Variants in NRG2 observed in about 807,000 individuals in gnomAD.
NRG2 encodes neuregulin 2, also known as pro-neuregulin-2, membrane-bound isoform.
A neutral mutation model predicts 73.9 loss-of-function variants in NRG2; 27 were observed. The ratio of observed to expected loss-of-function variants is 0.37; its 90% CI spans 0.27 to 0.50. The LOEUF (loss-of-function observed/expected upper bound fraction) is 0.50. Ranked by LOEUF, NRG2 falls within the 20% of genes least tolerant of loss-of-function variation. NRG2 has a pLI of 0.96. For missense variants in NRG2, 1,126 were observed against 1,210.1 expected (o/e 0.93, Z 1.03); for synonymous variants, 532 against 541.0 (o/e 0.98, Z 0.23).
Position 139,887,528 on chromosome 5 carries a change from A to T in NRG2, c.701-17T>A. 6.2e-7 allele frequency: 1 copy of T among 1,613,048 alleles called. No individual in the cohort carries two copies. Among genetic ancestry groups the T allele is most frequent in the East Asian group, 2.2e-5 (1 of 44,862 alleles). ...GCCGGGTGGCTGTGGGTTACAAGGC[A>T]GGTAGGTGAGCACGGTGGTGGTAGG... is the stretch of plus-strand genomic sequence containing the variant. On this transcript the variant is annotated splice_polypyrimidine_tract_variant and intron_variant, in intron 1 of 9. Coordinates refer to ENST00000361474, the MANE Select transcript of NRG2 (RefSeq NM_004883.3). This position sits in a 1 kb window ranked among gnomAD's most constrained non-coding sequence, Gnocchi z 4.5.
intron 1 of NRG2, among the ~76,000 whole-genome samples, chr5:139,907,715 C>A (rs573110288): frequency 2.2e-4 from 34 of 152,208 alleles, no homozygotes; most frequent in African/African-American, 8.2e-4. Flanking sequence ...AGATCTAGTG[C>A]TGAGGGAGGT....
At chr5:139,909,218 C>T (rs1328326810) in intron 1 of NRG2, among the ~76,000 whole-genome samples, 3 of 152,226 alleles carry the variant, frequency 2.0e-5, no homozygotes, top group Admixed American at 2.0e-4. Context: ...ATTTTCCCTT[C>T]CACTTTGAGG....
In NRG2 at chr5:139,848,517, C is replaced by T. The variant is rs1761182083; in HGVS notation, c.1953G>A (p.Pro651=). 7.2e-7 allele frequency: 1 copy of T among 1,394,048 alleles called. No homozygotes were observed. The highest frequency in any genetic ancestry group is 9.2e-7 in the Non-Finnish European group (1 of 1,086,290). 86.4% of individuals were successfully genotyped at this position (1,394,048 alleles called of 1,614,324 possible). The part of the protein sequence containing the change: ...LAEQQPLLRH[P]APPGPGPGPG... ...GTCCGGGTCCCGGGCCGGGGGGCGC[C>T]GGGTGCCGCAGTAACGGCTGCTGCT... The change falls in exon 10 of 10, where the codon CCG becomes CCA. Residue 651 remains proline, a synonymous_variant. Coordinates refer to ENST00000361474, the MANE Select transcript of NRG2 (RefSeq NM_004883.3).
chr5:140,023,365 T>C (rs115382997), intron 1 of NRG2, among the ~76,000 whole-genome samples: 2 of 152,280 alleles, frequency 1.3e-5, no homozygotes, highest in African/African-American at 4.8e-5. Context: ...TAGCACCCTA[T>C]CCCCTATCTG....
At chr5:139,883,443 G>C (rs1763669333) in intron 2 of NRG2, among the ~76,000 whole-genome samples, 1 of 152,072 alleles carries the variant, frequency 6.6e-6, no homozygotes, top group African/African-American at 2.4e-5. Flanking sequence ...GTTTGCTCCT[G>C]GCACAGGAAG....
chr5:139,857,946 C>T (rs964939853), intron 5 of NRG2, among the ~76,000 whole-genome samples: 5 of 151,984 alleles, frequency 3.3e-5, no homozygotes, highest in African/African-American at 9.7e-5. Flanking sequence ...ATGGTGTCAC[C>T]TCTCATCTGG....
chr5:139,951,330 A>G (rs1754182217), intron 1 of NRG2, among the ~76,000 whole-genome samples: 1 of 152,212 alleles, frequency 6.6e-6, no homozygotes, highest in African/African-American at 2.4e-5. Context: ...ATCGAGAGGT[A>G]GGAGTGAGGC....
chr5:139,931,667 A>C (rs1402286652), intron 1 of NRG2, among the ~76,000 whole-genome samples: 1 of 152,376 alleles, frequency 6.6e-6, no homozygotes, highest in Non-Finnish European at 1.5e-5. Flanking sequence ...TCAAGAAACA[A>C]ACAAGTAGGG....
At chr5:139,916,002 T>C (rs887176352) in intron 1 of NRG2, among the ~76,000 whole-genome samples, 3 of 152,102 alleles carry the variant, frequency 2.0e-5, no homozygotes, top group Non-Finnish European at 2.9e-5. Flanking sequence ...TGAAAGGATA[T>C]TGAAGGGTTC....
At chr5:139,934,102 G>A (rs1195820473) in intron 1 of NRG2, among the ~76,000 whole-genome samples, 1 of 152,204 alleles carries the variant, frequency 6.6e-6, no homozygotes, top group East Asian at 1.9e-4. Flanking sequence ...GGGAGGCTGA[G>A]GTGGGAGGAT....
chr5:139,876,842 G>T (rs1440488270), intron 3 of NRG2, among the ~76,000 whole-genome samples: 1 of 152,028 alleles, frequency 6.6e-6, no homozygotes, highest in Non-Finnish European at 1.5e-5. Context: ...TTTCTTGGGG[G>T]CCAAGACTGC....
chr5:140,042,955 TGCTGCTGCTGCTGCTGCTCCTCTC>T lies in NRG2; in HGVS notation c.91_114del (p.Glu31_Ser38del), dbSNP rs769057468. The T allele has an allele frequency of 6.0e-5, 93 of 1,545,028 alleles. No individual in the cohort carries two copies. The highest frequency in any genetic ancestry group is 2.1e-4 in the Admixed American group (11 of 51,226). The stretch of plus-strand genomic sequence containing the variant: ...CTGCTGCTGCCGCTCTCGCTGCTGC[TGCTGCTGCTGCTGCTGCTCCTCTC>T]GCTGCTGCTGCTGCTGCTGTCGCTG... On this transcript the variant is annotated inframe_deletion, in exon 1 of 10. Coordinates refer to ENST00000361474, the MANE Select transcript of NRG2 (RefSeq NM_004883.3).
chr5:140,003,638 C>T (rs1177007503), intron 1 of NRG2, among the ~76,000 whole-genome samples: 1 of 152,186 alleles, frequency 6.6e-6, no homozygotes, highest in Admixed American at 6.5e-5. Flanking sequence ...TTCTGACCTC[C>T]AGAATTGTAA....
At chr5:139,988,144 C>T (rs1757316720) in intron 1 of NRG2, among the ~76,000 whole-genome samples, 1 of 151,998 alleles carries the variant, frequency 6.6e-6, no homozygotes, top group Admixed American at 6.6e-5. Flanking sequence ...CAGAACATGA[C>T]AACACCAAAT....
chr5:139,998,749 A>C (rs932403169), intron 1 of NRG2, among the ~76,000 whole-genome samples: 3 of 75,796 alleles, frequency 4.0e-5, no homozygotes, highest in African/African-American at 5.5e-5. Context: ...CAAACAAACA[A>C]ACACTATCTA....
chr5:140,001,284 C>T (rs548101889), intron 1 of NRG2, among the ~76,000 whole-genome samples: 13 of 152,304 alleles, frequency 8.5e-5, no homozygotes, highest in East Asian at 7.7e-4. Context: ...GTACCTACCA[C>T]GGTGCCCCAT....
chr5:139,958,030 G>A lies in NRG2; in HGVS notation c.701-70519C>T, dbSNP rs531957126. Among the ~76,000 whole-genome samples the A allele has an allele frequency of 5.3e-5, 8 of 152,204 alleles. No homozygotes were observed. The South Asian group carries it at 6.2e-4, about 12-fold the overall frequency. ...ACCAGTGACTTCCCTGGACACGTTG[G>A]CTAGGACTGGAAGGTACCTCCTGGA... On this transcript the variant is annotated intron_variant, in intron 1 of 9. Transcript: ENST00000361474.
intron 1 of NRG2, among the ~76,000 whole-genome samples, chr5:140,002,605 C>T (rs1269623220): frequency 2.6e-5 from 4 of 152,150 alleles, no homozygotes; most frequent in African/African-American, 7.2e-5. Context: ...GAAGGGAGAA[C>T]GTAGGAGCCG....
chr5:140,022,026 C>G (rs923677480), intron 1 of NRG2, among the ~76,000 whole-genome samples: 1 of 152,174 alleles, frequency 6.6e-6, no homozygotes, highest in Non-Finnish European at 1.5e-5. Context: ...CTCCTGCTTT[C>G]TCTCAAGGCA....
Sources: allele counts gnomAD v4.1 joint callset (sites outside exome capture counted in the v4.1 genomes callset), GRCh38; gene constraint gnomAD v4.1.1; non-coding constraint Gnocchi (gnomAD v3.1); transcripts MANE v1.5; gene names NCBI Gene and HGNC (gene_info 2026-07-23, HGNC 2026-07-21).